The following RBBP8 variants were observed in gnomAD, a reference collection of about 807,000 sequenced individuals.
The protein encoded by RBBP8 is RB binding protein 8, endonuclease.
In RBBP8, 88 loss-of-function variants were observed where a neutral mutation model predicts 108.3. The observed-to-expected ratio is 0.81, with a 90% CI of 0.68 to 0.97. The LOEUF is 0.97. Among genes scored for constraint, RBBP8 ranks in the 50% least tolerant of loss-of-function variants. The pLI is 0.00. For missense variants in RBBP8, 1,023 were observed against 1,049.0 expected (o/e 0.98, Z 0.34); for synonymous variants, 332 against 348.2 (o/e 0.95, Z 0.52).
At chr18:22,929,552 A>ATGTGTG (rs1555630950), upstream of RBBP8, 5 of 98,270 alleles carry the variant, frequency 5.1e-5, no homozygotes, top group African/African-American at 2.6e-4. Context: ...GTGTGTGTGT[A>ATGTGTG]TGTGTGTGTG....
chr18:22,982,280 C>T lies in RBBP8; in HGVS notation c.491C>T (p.Pro164Leu), dbSNP rs932661448. The change falls in exon 7 of 19, where the codon CCG becomes CTG. Residue 164 changes from proline (P) to leucine (L), a missense_variant. Pro to Leu is a moderately conservative substitution (Grantham distance 98, BLOSUM62 -3). Coordinates refer to ENST00000327155, the MANE Select transcript of RBBP8 (RefSeq NM_002894.3). ...ECEEDVIPDS[P>L]ITAFSFSGVN... ...GAGGAAGACGTTATTCCAGATTCAC[C>T]GATAACAGCCTTCTCATTTTCTGGC... is the stretch of plus-strand genomic sequence containing the variant. 3.1e-6 allele frequency: 5 copies of T among 1,613,990 alleles called. No individual in the cohort carries two copies. Among genetic ancestry groups the T allele is most frequent in the Admixed American group, 3.3e-5 (2 of 60,000 alleles).
chr18:22,977,322 TAGA>T (rs1331625283), intron 6 of RBBP8, among the ~76,000 whole-genome samples: 1 of 152,034 alleles, frequency 6.6e-6, no homozygotes, highest in East Asian at 1.9e-4. Context: ...CCCTGAACTT[TAGA>T]AGAAAATATT....
chr18:22,939,916 G>A (rs1326426279), intron 2 of RBBP8, among the ~76,000 whole-genome samples: 1 of 152,172 alleles, frequency 6.6e-6, no homozygotes, highest in African/African-American at 2.4e-5. Flanking sequence ...GGAAGATGGT[G>A]GAAGGGGAGG....
At chr18:22,980,347 G>A (rs1173164628) in intron 6 of RBBP8, among the ~76,000 whole-genome samples, 2 of 152,216 alleles carry the variant, frequency 1.3e-5, no homozygotes, top group African/African-American at 4.8e-5. Context: ...CAGGGAACAG[G>A]AGTACTAGGG....
Position 22,938,933 on chromosome 18 carries a change from AT to A in RBBP8, c.109+1975del, listed in dbSNP as rs767288284. ...TATGACGTGCAAGGAGTTTTAGAGG[AT>A]TAAGCAATTGTGGTTGAGATGAGTA... On this transcript the variant is annotated intron_variant, in intron 2 of 18. Transcript: ENST00000327155. 2.0e-5 allele frequency among the ~76,000 whole-genome samples: 3 copies of A among 152,356 alleles called. No individual in the cohort carries two copies. The East Asian group carries it at 5.8e-4, about 29-fold the overall frequency.
chr18:22,962,547 T>G (rs1567962907), intron 4 of RBBP8, among the ~76,000 whole-genome samples: 2 of 150,210 alleles, frequency 1.3e-5, no homozygotes, highest in Admixed American at 6.7e-5. Context: ...TATCACCTTG[T>G]TTTTTTTTCC....
chr18:22,978,231 A>G (rs1314931779), intron 6 of RBBP8, among the ~76,000 whole-genome samples: 1 of 152,216 alleles, frequency 6.6e-6, no homozygotes, highest in Non-Finnish European at 1.5e-5. Flanking sequence ...GAAACCAACT[A>G]AAACAGTTTT....
At chr18:23,004,108 C>T (rs1356097287) in intron 15 of RBBP8, among the ~76,000 whole-genome samples, 1 of 149,518 alleles carries the variant, frequency 6.7e-6, no homozygotes, top group African/African-American at 2.5e-5. Context: ...GTCATAGATC[C>T]AGCAGTCCCA....
rs554632194 is a variant in RBBP8 at position 22,924,137 on chromosome 18, T to G, written c.-153-5246T>G. Among the ~76,000 whole-genome samples the G allele has an allele frequency of 2.6e-4, 37 of 143,446 alleles. No individual in the cohort carries two copies. In the East Asian group the frequency reaches 5.4e-3, roughly 21 times the overall value. The allele number at this position is 143,446 out of a possible 152,430, so 94.1% of individuals were successfully genotyped here. A position where few individuals can be genotyped will look rare whatever the true frequency, so the allele number is the denominator to read the frequency against. On this transcript the variant is annotated intron_variant, in intron 3 of 4. Coordinates refer to the RBBP8 transcript ENST00000577588. The stretch of plus-strand genomic sequence containing the variant: ...GTTAGTTTGTTTTTGGTTTTTTTTT[T>G]TTTTTTTTTTGAGACGGAGTCTCAC...
intron 17 of RBBP8, among the ~76,000 whole-genome samples, chr18:23,017,355 CA>C (rs770526045): frequency 0.027 from 2,423 of 90,514 alleles, 20 homozygotes; most frequent in Middle Eastern, 0.048. Context: ...AACTTGGTCT[CA>C]AAAAAAAAAA....
chr18:22,975,085 A>C, intron 5 of RBBP8, 68 bp from the exon 6 acceptor site: 2 of 1,481,622 alleles, frequency 1.3e-6, no homozygotes, highest in Non-Finnish European at 1.8e-6. Context: ...GACATATTTT[A>C]TTTGAAAGCC....
At chr18:22,951,258 G>A (rs1204302624) in intron 4 of RBBP8, among the ~76,000 whole-genome samples, 1 of 152,138 alleles carries the variant, frequency 6.6e-6, no homozygotes, top group Non-Finnish European at 1.5e-5. Context: ...AAATGAGACA[G>A]TGCAAGTAAC....
At chr18:22,983,082 T>C (rs1915055665) in intron 7 of RBBP8, among the ~76,000 whole-genome samples, 1 of 152,238 alleles carries the variant, frequency 6.6e-6, no homozygotes, top group African/African-American at 2.4e-5. Context: ...GTGACATGTT[T>C]CTAATTCCAG....
Position 22,946,499 on chromosome 18 carries a change from A to G in RBBP8, c.152+13A>G, listed in dbSNP as rs766645029. 1 of 1,612,292 alleles carries G rather than the reference A, an allele frequency of 6.2e-7. No homozygotes were observed. Reference sequence around the variant, plus strand: ...AGGAACGAATCTTGTAAGTATCAGTATGTAATACTCATGTGTTATTTATAG... The same window carrying G: ...AGGAACGAATCTTGTAAGTATCAGTGTGTAATACTCATGTGTTATTTATAG... On this transcript the variant is annotated intron_variant, in intron 3 of 18. Coordinates refer to ENST00000327155, the MANE Select transcript of RBBP8 (RefSeq NM_002894.3).
intron 12 of RBBP8, among the ~76,000 whole-genome samples, chr18:22,994,780 G>A (rs1379912666): frequency 6.6e-6 from 1 of 151,996 alleles, no homozygotes; most frequent in Non-Finnish European, 1.5e-5. Flanking sequence ...CTGGAGTGCA[G>A]TGGCATGATC....
intron 18 of RBBP8, among the ~76,000 whole-genome samples, chr18:23,023,273 A>C (rs1244762677): frequency 6.6e-6 from 1 of 152,162 alleles, no homozygotes; most frequent in Non-Finnish European, 1.5e-5. Context: ...AGAATCTTAA[A>C]ATCTACTGCT....
chr18:22,933,347 C>G lies in RBBP8; in HGVS notation c.-316C>G, dbSNP rs544691674. ...ACTCCCGCGTGACGTCGCGCGGGCT[C>G]CCGGGCGGGGCGGGTCCGGCCGCCT... On this transcript the variant is annotated 5_prime_UTR_variant, in exon 1 of 19. Transcript: ENST00000327155. 3 of 152,474 alleles carry G rather than the reference C, an allele frequency of 2.0e-5. No homozygotes were observed. The South Asian group carries it at 6.2e-4, about 31-fold the overall frequency. 9.4% of individuals were successfully genotyped at this position (152,474 alleles called of 1,614,324 possible). A position where few individuals can be genotyped will look rare whatever the true frequency, so the allele number is the denominator to read the frequency against.
At chr18:23,004,201 A>C (rs1054174492) in intron 15 of RBBP8, among the ~76,000 whole-genome samples, 1 of 152,132 alleles carries the variant, frequency 6.6e-6, no homozygotes, top group African/African-American at 2.4e-5. Flanking sequence ...ACTGTTCAGA[A>C]TAGCCAAGAT....
upstream of RBBP8, among the ~76,000 whole-genome samples, chr18:22,933,117 C>G (rs547922302): frequency 6.6e-6 from 1 of 152,356 alleles, no homozygotes; most frequent in East Asian, 1.9e-4. Flanking sequence ...CCCAACAGAA[C>G]GGCTTGAGCT....
Sources: gnomAD v4.1 joint callset for allele counts (sites outside exome capture counted in the v4.1 genomes callset) on GRCh38, gnomAD v4.1.1 for gene constraint, MANE v1.5 for transcripts, NCBI Gene and HGNC (gene_info 2026-07-23, HGNC 2026-07-21) for gene names.